The following PRPF6 variants were observed in gnomAD, a reference collection of about 807,000 sequenced individuals.
PRPF6 encodes pre-mRNA processing factor 6.
A neutral mutation model predicts 118.3 loss-of-function variants in PRPF6; 42 were observed. The ratio of observed to expected loss-of-function variants is 0.35; its 90% CI spans 0.28 to 0.46. PRPF6 has a LOEUF of 0.46. Ranked by LOEUF, PRPF6 falls within the 20% of genes least tolerant of loss-of-function variation. The probability of loss-of-function intolerance (pLI) is 1.00; values close to 1 mark genes in which losing one functional copy is unlikely to be tolerated. For missense variants in PRPF6, 662 were observed against 1,255.7 expected (o/e 0.53, Z 7.15); for synonymous variants, 481 against 485.1 (o/e 0.99, Z 0.11).
chr20:64,028,603 C>T lies in PRPF6; in HGVS notation c.2431+34C>T. ...GTGCCCCGACTCCGGTAAGGGGGTG[C>T]CCTGACTCCGGTAAGGGGGTGCCTT... is the stretch of plus-strand genomic sequence containing the variant. On this transcript the variant is annotated intron_variant, in intron 18 of 20. Coordinates refer to ENST00000266079, the MANE Select transcript of PRPF6 (RefSeq NM_012469.4). This position sits in a 1 kb window ranked among gnomAD's most constrained non-coding sequence, Gnocchi z 6.5. 1 of 1,605,492 alleles carries T rather than the reference C, an allele frequency of 6.2e-7. No homozygotes were observed.
In PRPF6 at chr20:64,033,000, G is replaced by A. The variant is rs114637353; in HGVS notation, c.*7G>A. 7,477 of 1,613,114 alleles carry A rather than the reference G, an allele frequency of 4.6e-3. 224 individuals are homozygous for A. The African/African-American group carries it at 0.07, about 15-fold the overall frequency. ...CATCAAGAACACCTTCTGATTGAGC[G>A]GTTGCCATGGCCGGTCTCCGTGGGG... is the stretch of plus-strand genomic sequence containing the variant. On this transcript the variant is annotated 3_prime_UTR_variant, in exon 21 of 21. Transcript: ENST00000266079.
intron 20 of PRPF6, 130 bp from the exon 21 acceptor site, chr20:64,032,711 G>C: frequency 8.3e-7 from 1 of 1,204,990 alleles, no homozygotes; most frequent in Non-Finnish European, 1.2e-6. Flanking sequence ...TGCAGGGCCT[G>C]TGCCCTCTGG....
At chr20:64,030,821 A>G (rs2059311010) in intron 19 of PRPF6, among the ~76,000 whole-genome samples, 1 of 152,220 alleles carries the variant, frequency 6.6e-6, no homozygotes, top group Non-Finnish European at 1.5e-5. Context: ...AGGTTATCAG[A>G]GTGTGAAATT....
At chr20:64,008,953 GT>G (rs2059202330) in intron 9 of PRPF6, among the ~76,000 whole-genome samples, 1 of 152,088 alleles carries the variant, frequency 6.6e-6, no homozygotes, top group African/African-American at 2.4e-5. Context: ...TTTTTTTTAA[GT>G]TTTAGGTATT....
rs2059305073 is a variant in PRPF6, at chr20:64,029,422, G to A, written c.2477G>A (p.Arg826Lys). 1.2e-6 allele frequency: 2 copies of A among 1,614,224 alleles called. No homozygotes were observed. The highest frequency in any genetic ancestry group is 1.7e-6 in the Non-Finnish European group (2 of 1,180,048). Residue 826 changes from arginine to lysine, a missense_variant, in exon 19 of 21, where the codon AGG (arginine) becomes AAG (lysine). Arg to Lys is a conservative substitution (Grantham distance 26). Transcript: ENST00000266079. The surrounding 1 kb of genome is among the most constrained non-coding windows in gnomAD (Gnocchi z 4.8). ...EAIFLEARPQ[R>K]RTKSVDALKK... Reference sequence around the variant, plus strand: ...ATCTTCCTCGAGGCAAGGCCCCAGAGGAGGACCAAGAGCGTGGATGCCCTG... The same window carrying A: ...ATCTTCCTCGAGGCAAGGCCCCAGAAGAGGACCAAGAGCGTGGATGCCCTG...
chr20:64,024,496 G>C, intron 13 of PRPF6, 59 bp from the exon 14 acceptor site: 1 of 1,606,230 alleles, frequency 6.2e-7, no homozygotes, highest in Non-Finnish European at 8.5e-7. Context: ...ATGGCTGAGT[G>C]TGATGTGTGT....
chr20:63,994,260 C>T (rs1279776194), intron 4 of PRPF6, among the ~76,000 whole-genome samples: 4 of 150,826 alleles, frequency 2.7e-5, no homozygotes, highest in Admixed American at 6.6e-5. Context: ...CAGGTTCAAA[C>T]GATTCTCCTG....
At position 64,010,292 on chromosome 20, in the gene PRPF6, G is replaced by A; in HGVS notation, c.1279G>A (p.Val427Met). The A allele has an allele frequency of 6.2e-7, 1 of 1,613,880 alleles. No homozygotes were observed. The highest frequency in any genetic ancestry group is 8.5e-7 in the Non-Finnish European group (1 of 1,180,042). ...EDARIMLSRAVECCPTSVELW... is the reference protein window; with the variant it reads ...EDARIMLSRAMECCPTSVELW... ...TGCTAGAATCATGCTGAGCCGAGCTGTGGAGTGCTGCCCCACCAGCGTGGA... is the reference window on the plus strand; with the variant it reads ...TGCTAGAATCATGCTGAGCCGAGCTATGGAGTGCTGCCCCACCAGCGTGGA... The change falls in exon 10 of 21, where the codon GTG (valine) becomes ATG (methionine). Residue 427 changes from valine (V) to methionine (M), a missense_variant. Coordinates refer to ENST00000266079, the MANE Select transcript of PRPF6 (RefSeq NM_012469.4).
intron 6 of PRPF6, among the ~76,000 whole-genome samples, chr20:63,998,113 G>C (rs1292730724): frequency 6.7e-6 from 1 of 150,092 alleles, no homozygotes; most frequent in Non-Finnish European, 1.5e-5. Flanking sequence ...ATTTTTTTTT[G>C]AGACGGGGTC....
rs1017396831 is a variant in PRPF6, at chr20:64,011,516, C to T, written c.1524+13C>T. 9.3e-6 allele frequency: 15 copies of T among 1,607,316 alleles called. No individual in the cohort carries two copies. Among genetic ancestry groups the T allele is most frequent in the African/African-American group, 1.3e-5 (1 of 74,738 alleles). On this transcript the variant is annotated intron_variant, in intron 11 of 20. Transcript: ENST00000266079. The surrounding 1 kb of genome is among the most constrained non-coding windows in gnomAD (Gnocchi z 6.7). Reference sequence around the variant, plus strand: ...GCAGTGGATCCAGGTGGGCCGCAGGCGGGTGTCGTGGTGTCTGCTTTAACA... The same window carrying T: ...GCAGTGGATCCAGGTGGGCCGCAGGTGGGTGTCGTGGTGTCTGCTTTAACA...
At chr20:64,010,142 G>A (rs2059209589) in intron 9 of PRPF6, 58 bp from the exon 10 acceptor site, 31 of 1,441,026 alleles carry the variant, frequency 2.2e-5, no homozygotes, top group Non-Finnish European at 3.0e-5. Context: ...CTCACCACAT[G>A]AGCCTCCTGT....
intron 9 of PRPF6, among the ~76,000 whole-genome samples, chr20:64,007,992 G>A (rs1225324821): frequency 6.6e-6 from 1 of 152,144 alleles, no homozygotes; most frequent in Non-Finnish European, 1.5e-5. Flanking sequence ...GGCCACGCTG[G>A]TCTCGAACTC....
intron 12 of PRPF6, among the ~76,000 whole-genome samples, chr20:64,020,273 G>A (rs1329457000): frequency 6.6e-6 from 1 of 152,154 alleles, no homozygotes; most frequent in Non-Finnish European, 1.5e-5. Context: ...GAAATTAGCT[G>A]GGTGTGGTGG....
intron 9 of PRPF6, among the ~76,000 whole-genome samples, chr20:64,004,882 T>TA (rs1456462025): frequency 6.6e-6 from 1 of 152,190 alleles, no homozygotes; most frequent in Non-Finnish European, 1.5e-5. Flanking sequence ...ACTAACGCCA[T>TA]ATGCTCTGGC....
At chr20:63,997,317 GTCTC>G (rs1284180240) in intron 6 of PRPF6, among the ~76,000 whole-genome samples, 1 of 140,044 alleles carries the variant, frequency 7.1e-6, no homozygotes, top group Non-Finnish European at 1.5e-5. Flanking sequence ...TTGAGACAGA[GTCTC>G]TCTCTGTCAC....
At position 63,981,254 on chromosome 20, in the gene PRPF6, G is replaced by C; in HGVS notation, c.9G>C (p.Lys3Asn). Residue 3 changes from lysine (K) to asparagine (N), a missense_variant, in exon 1 of 21, where the codon AAG becomes AAC. Transcript: ENST00000266079. MNKKKKPFLGMPA... is the reference protein window; with the variant it reads MNNKKKPFLGMPA... Reference sequence around the variant, plus strand: ...TGGTCGTCGCCGCCACCATGAACAAGAAGAAGAAACCGTTCCTAGGGATGC... The same window carrying C: ...TGGTCGTCGCCGCCACCATGAACAACAAGAAGAAACCGTTCCTAGGGATGC... 1 of 1,608,928 alleles carries C rather than the reference G, an allele frequency of 6.2e-7. No homozygotes were observed. Among genetic ancestry groups the C allele is most frequent in the Non-Finnish European group, 8.5e-7 (1 of 1,177,688 alleles).
At chr20:63,991,980 A>C (rs190044213) in intron 3 of PRPF6, among the ~76,000 whole-genome samples, 1 of 152,220 alleles carries the variant, frequency 6.6e-6, no homozygotes, top group East Asian at 1.9e-4. Flanking sequence ...GAGGTGAACT[A>C]TTTACTTGGA....
rs1474854388 is a variant in PRPF6 at position 64,026,154 on chromosome 20, G to A, written c.2028+96G>A. On this transcript the variant is annotated intron_variant, in intron 15 of 20. Transcript: ENST00000266079. This position sits in a 1 kb window ranked among gnomAD's most constrained non-coding sequence, Gnocchi z 4.4. ...TGGGTGGTGATGGGAGTGAGATGAC[G>A]GCAGGCAAACGAGACCACAGCACAC... 9.6e-6 allele frequency: 15 copies of A among 1,569,736 alleles called. No homozygotes were observed. In the East Asian group the frequency reaches 2.1e-4, roughly 21 times the overall value.
At chr20:64,019,583 C>T (rs959226183) in intron 12 of PRPF6, among the ~76,000 whole-genome samples, 1 of 152,214 alleles carries the variant, frequency 6.6e-6, no homozygotes, top group Non-Finnish European at 1.5e-5. Context: ...AGGCCACTCT[C>T]GGGTTGCTTG....
Sources: gnomAD v4.1 joint callset for allele counts (sites outside exome capture counted in the v4.1 genomes callset) on GRCh38, gnomAD v4.1.1 for gene constraint, Gnocchi (gnomAD v3.1) non-coding constraint, MANE v1.5 for transcripts, NCBI Gene and HGNC (gene_info 2026-07-23, HGNC 2026-07-21) for gene names.